TESK2: variants seen among roughly 807,000 people sequenced by gnomAD.
TESK2 encodes the protein dual specificity testis-specific protein kinase 2.
In TESK2, 39 loss-of-function variants were observed where a neutral mutation model predicts 57.1. The ratio of observed to expected loss-of-function variants is 0.68; its 90% CI spans 0.53 to 0.89. TESK2 has a LOEUF of 0.89. Ranked by LOEUF, TESK2 falls within the 40% of genes least tolerant of loss-of-function variation. The pLI is 0.00. For synonymous variants in TESK2, 249 were observed against 267.9 expected (o/e 0.93, Z 0.69); for missense variants, 646 against 732.1 (o/e 0.88, Z 1.36).
rs780678665 is a variant in TESK2, at chr1:45,345,879, C to T, written c.995G>A (p.Arg332Lys). The stretch of plus-strand genomic sequence containing the variant: ...GGCTCCCTGGTCTAATCTCTTACCC[C>T]TGGCTGTGGGCTGCAGCTTCCTATC... ...ERDRKLQPTA[R>K]GLLEKAPGVK... is the part of the protein sequence containing the mutation. The change falls in exon 10 of 11, where the codon AGG becomes AAG. Residue 332 changes from arginine to lysine, a missense_variant and splice_region_variant. Physicochemically the swap from Arg to Lys is conservative, Grantham distance 26 (BLOSUM62 2). Coordinates refer to ENST00000372086, the MANE Select transcript of TESK2 (RefSeq NM_007170.3). 1 of 1,613,508 alleles carries T rather than the reference C, an allele frequency of 6.2e-7. No individual in the cohort carries two copies. Among genetic ancestry groups the T allele is most frequent in the Middle Eastern group, 1.7e-4 (1 of 5,954 alleles).
intron 1 of TESK2, among the ~76,000 whole-genome samples, chr1:45,480,134 A>G (rs1408427346): frequency 1.3e-5 from 2 of 151,122 alleles, no homozygotes; most frequent in African/African-American, 2.4e-5. Context: ...AGGCTCTTCT[A>G]TCTTTTTTAC....
intron 3 of TESK2, among the ~76,000 whole-genome samples, chr1:45,394,323 CTTTTTTTTTTT>C (rs35459050): frequency 1.7e-5 from 2 of 115,124 alleles, no homozygotes; most frequent in Admixed American, 9.0e-5. Flanking sequence ...CCACAGCTGG[CTTTTTTTTTTT>C]TTTTTTTTTT....
At position 45,436,181 on chromosome 1, in the gene TESK2, C is replaced by CTTTTTTTTTTTTTTTTTTTTTTTTTTTT. The variant is rs1170732475; in HGVS notation, c.223-14336_223-14335insAAAAAAAAAAAAAAAAAAAAAAAAAAAA. 3.5e-5 allele frequency among the ~76,000 whole-genome samples: 2 copies of CTTTTTTTTTTTTTTTTTTTTTTTTTTTT among 56,622 alleles called. 1 individual carries two copies. Among genetic ancestry groups the CTTTTTTTTTTTTTTTTTTTTTTTTTTTT allele is most frequent in the Non-Finnish European group, 6.6e-5 (2 of 30,444 alleles). The allele number at this position is 56,622 out of a possible 152,430, so 37.1% of individuals were successfully genotyped here. ...CTGTGAAAAATGACATTGGTATCTT[C>CTTTTTTTTTTTTTTTTTTTTTTTTTTTT]TTTTTTTTTTTTTTTTTTTTTGAGA... On this transcript the variant is annotated intron_variant, in intron 2 of 10. Coordinates refer to ENST00000372086, the MANE Select transcript of TESK2 (RefSeq NM_007170.3).
At chr1:45,451,971 T>G (rs1651888514) in intron 2 of TESK2, among the ~76,000 whole-genome samples, 1 of 144,368 alleles carries the variant, frequency 6.9e-6, no homozygotes, top group South Asian at 2.2e-4. Flanking sequence ...AGGCAGAGGT[T>G]GTAGTGAGCC....
At chr1:45,373,041 A>G (rs551694024) in intron 4 of TESK2, among the ~76,000 whole-genome samples, 1 of 151,770 alleles carries the variant, frequency 6.6e-6, no homozygotes, top group African/African-American at 2.4e-5. Context: ...AAAAAAAAAA[A>G]AAAAAAGAAA....
intron 4 of TESK2, among the ~76,000 whole-genome samples, chr1:45,378,040 T>G (rs1044894025): frequency 6.6e-6 from 1 of 151,166 alleles, no homozygotes; most frequent in African/African-American, 2.4e-5. Flanking sequence ...AATAAAGAAA[T>G]GAAATGATAA....
At chr1:45,469,198 A>G (rs572229897) in intron 1 of TESK2, among the ~76,000 whole-genome samples, 1 of 152,214 alleles carries the variant, frequency 6.6e-6, no homozygotes, top group Non-Finnish European at 1.5e-5. Context: ...TAAATAGCCT[A>G]TCTTCAATAT....
intron 2 of TESK2, among the ~76,000 whole-genome samples, chr1:45,431,196 A>C (rs1163634814): frequency 1.3e-5 from 2 of 152,176 alleles, no homozygotes. Context: ...AGGTCGGCGG[A>C]TCACGAGGTC....
At chr1:45,486,201 AC>A (rs1653469665) in intron 1 of TESK2, among the ~76,000 whole-genome samples, 1 of 152,208 alleles carries the variant, frequency 6.6e-6, no homozygotes, top group Non-Finnish European at 1.5e-5. Context: ...CAAAACATTC[AC>A]CATCACCCAC....
chr1:45,344,855 T>C lies in TESK2; in HGVS notation c.1701A>G (p.Gly567=), dbSNP rs766460294. The C allele has an allele frequency of 1.9e-6, 3 of 1,612,762 alleles. No homozygotes were observed. Among genetic ancestry groups the C allele is most frequent in the Non-Finnish European group, 2.5e-6 (3 of 1,179,884 alleles). Residue 567 remains glycine, a synonymous_variant, in exon 11 of 11, where the codon GGA becomes GGG. Coordinates refer to ENST00000372086, the MANE Select transcript of TESK2 (RefSeq NM_007170.3). ...STSGIGLQTQ[G]KQDG Reference sequence around the variant, plus strand: ...CTAAACCCCCTCACCCATCCTGCTTTCCCTGGGTTTGCAGGCCTATGCCTG... The same window carrying C: ...CTAAACCCCCTCACCCATCCTGCTTCCCCTGGGTTTGCAGGCCTATGCCTG...
chr1:45,391,480 C>G (rs1649143549), intron 3 of TESK2, among the ~76,000 whole-genome samples: 1 of 152,114 alleles, frequency 6.6e-6, no homozygotes, highest in Admixed American at 6.6e-5. Context: ...GGCCCCATAT[C>G]ACTCTTGAAA....
At chr1:45,440,401 A>G (rs1383942750) in intron 2 of TESK2, among the ~76,000 whole-genome samples, 2 of 152,138 alleles carry the variant, frequency 1.3e-5, no homozygotes, top group Admixed American at 1.3e-4. Context: ...CATCAAAAAT[A>G]AAATCACACC....
At chr1:45,488,224 A>G (rs540538575) in intron 1 of TESK2, among the ~76,000 whole-genome samples, 2 of 152,008 alleles carry the variant, frequency 1.3e-5, no homozygotes, top group African/African-American at 4.8e-5. Flanking sequence ...CTGGCCAACA[A>G]TTTTTTTTGT....
intron 4 of TESK2, among the ~76,000 whole-genome samples, chr1:45,361,395 T>C (rs1269346775): frequency 2.6e-5 from 4 of 152,254 alleles, no homozygotes; most frequent in African/African-American, 9.6e-5. Flanking sequence ...TATTTTTAAT[T>C]GTTGTTATTT....
At chr1:45,351,043 A>C (rs955628114) in intron 5 of TESK2, among the ~76,000 whole-genome samples, 19 of 152,256 alleles carry the variant, frequency 1.2e-4, no homozygotes, top group Non-Finnish European at 2.6e-4. Flanking sequence ...GCTTCTATGC[A>C]GTCAACAATA....
At chr1:45,381,326 C>T (rs532495260) in intron 4 of TESK2, among the ~76,000 whole-genome samples, 25 of 152,206 alleles carry the variant, frequency 1.6e-4, no homozygotes, top group Admixed American at 3.3e-4. Flanking sequence ...CATAACTTTG[C>T]GGCATATTCC....
intron 2 of TESK2, among the ~76,000 whole-genome samples, chr1:45,425,538 C>T (rs1398270035): frequency 2.0e-5 from 3 of 151,934 alleles, no homozygotes; most frequent in Non-Finnish European, 4.4e-5. Context: ...GCCTGTGGTC[C>T]CAGCTAGTCG....
At chr1:45,447,349 T>A (rs1651684878) in intron 2 of TESK2, among the ~76,000 whole-genome samples, 1 of 151,928 alleles carries the variant, frequency 6.6e-6, no homozygotes, top group Non-Finnish European at 1.5e-5. Flanking sequence ...TTAAATTTTT[T>A]TTTTTTACTC....
At chr1:45,451,840 C>A (rs1306181082) in intron 2 of TESK2, among the ~76,000 whole-genome samples, 1 of 151,924 alleles carries the variant, frequency 6.6e-6, no homozygotes, top group Non-Finnish European at 1.5e-5. Flanking sequence ...TCAAGACCAG[C>A]CTGGCCAGCA....
Sources: allele counts gnomAD v4.1 joint callset (sites outside exome capture counted in the v4.1 genomes callset), GRCh38; gene constraint gnomAD v4.1.1; transcripts MANE v1.5; gene names NCBI Gene and HGNC (gene_info 2026-07-23, HGNC 2026-07-21).